The following TTC34 variants were observed in gnomAD, a reference collection of about 807,000 sequenced individuals.
The protein encoded by TTC34 is tetratricopeptide repeat protein 34.
In TTC34, 44 loss-of-function variants were observed where a neutral mutation model predicts 40.7. That is an observed-to-expected ratio of 1.08 (90% CI 0.85 to 1.39). The LOEUF is 1.39. Among genes scored for constraint, TTC34 ranks in the 40% most tolerant of loss-of-function variants. The pLI, the probability that TTC34 is intolerant of heterozygous loss-of-function variation, is 0.00. For synonymous variants in TTC34, 422 were observed against 398.6 expected, an observed-to-expected ratio of 1.06 and a Z score of -0.70; for missense variants, 884 against 838.0, an observed-to-expected ratio of 1.05 and a Z score of -0.68.
At chr1:2,687,869 C>T (rs563958511) in intron 6 of TTC34, among the ~76,000 whole-genome samples, 2 of 143,972 alleles carry the variant, frequency 1.4e-5, no homozygotes, top group African/African-American at 2.6e-5. Flanking sequence ...ATCTGACAGC[C>T]TGGAACAGAA....
chr1:2,687,929 C>G (rs1263462030), intron 6 of TTC34, among the ~76,000 whole-genome samples: 17 of 149,070 alleles, frequency 1.1e-4, no homozygotes, highest in African/African-American at 4.2e-4. Flanking sequence ...ACCCACACGC[C>G]CAGGTGAGCC....
intron 6 of TTC34, among the ~76,000 whole-genome samples, chr1:2,646,879 G>A (rs1209987120): frequency 6.6e-6 from 1 of 152,140 alleles, no homozygotes; most frequent in South Asian, 2.1e-4. Flanking sequence ...GCTTCCATTT[G>A]TCTAACGGGT....
At chr1:2,647,124 C>T (rs879314695) in intron 6 of TTC34, among the ~76,000 whole-genome samples, 10 of 151,226 alleles carry the variant, frequency 6.6e-5, no homozygotes, top group Admixed American at 5.9e-4. Flanking sequence ...GATGTGCCTT[C>T]TTAGGGGTGG....
In TTC34 at chr1:2,756,028, C is replaced by G. The variant is rs1641494356; in HGVS notation, c.2226+27581G>C. On this transcript the variant is annotated intron_variant, in intron 6 of 8. Transcript: ENST00000401095. ...CACCCTGAAACAGCACACACACCCCCAGGCGAGCATCTGACAACCTGGAAC... is the reference window on the plus strand; with the variant it reads ...CACCCTGAAACAGCACACACACCCCGAGGCGAGCATCTGACAACCTGGAAC... 3.4e-5 allele frequency among the ~76,000 whole-genome samples: 3 copies of G among 88,964 alleles called. 1 individual carries two copies. The allele number at this position is 88,964 out of a possible 152,430, so 58.4% of individuals were successfully genotyped here.
chr1:2,788,516 T>C (rs1643622205), intron 3 of TTC34, among the ~76,000 whole-genome samples: 1 of 152,164 alleles, frequency 6.6e-6, no homozygotes, highest in African/African-American at 2.4e-5. Flanking sequence ...TCAGTGCTTT[T>C]AACTTTGCTG....
At chr1:2,683,270 C>G (rs1326050682) in intron 6 of TTC34, among the ~76,000 whole-genome samples, 1 of 148,872 alleles carries the variant, frequency 6.7e-6, no homozygotes, top group African/African-American at 2.5e-5. Flanking sequence ...AGCACCCACA[C>G]CCACAGGTGA....
intron 6 of TTC34, among the ~76,000 whole-genome samples, chr1:2,695,768 A>C (rs1261376900): frequency 1.5e-4 from 23 of 150,786 alleles, no homozygotes; most frequent in East Asian, 3.9e-4. Context: ...CCAGGTGAGC[A>C]TCTGACAGGC....
chr1:2,773,546 G>T (rs1174919812), intron 6 of TTC34: 1 of 96,872 alleles, frequency 1.0e-5, no homozygotes, highest in African/African-American at 3.9e-5. Flanking sequence ...ACCCCCAGGT[G>T]GGCATCTGAC....
exon 9 of TTC34, chr1:2,641,536 A>G (rs1426578012): frequency 6.5e-7 from 1 of 1,534,666 alleles, no homozygotes; most frequent in Admixed American, 2.0e-5. Flanking sequence ...ACATGCGTGC[A>G]GTGGGGGCCC....
intron 6 of TTC34, among the ~76,000 whole-genome samples, chr1:2,686,835 A>AG (rs1640380437): frequency 5.7e-5 from 1 of 17,666 alleles, no homozygotes; most frequent in African/African-American, 3.3e-4. Context: ...CTGGAGCAGC[A>AG]CCCCACACCC....
intron 4 of TTC34, 97 bp from the exon 5 acceptor site, chr1:2,786,120 A>G: frequency 8.8e-7 from 1 of 1,141,696 alleles, no homozygotes; most frequent in Non-Finnish European, 1.2e-6. Context: ...CCCCACCCTC[A>G]CTGCCCCAGG....
intron 6 of TTC34, among the ~76,000 whole-genome samples, chr1:2,750,705 C>A (rs1641290352): frequency 4.0e-5 from 5 of 126,336 alleles, no homozygotes; most frequent in African/African-American, 6.1e-5. Context: ...GAGCATCCGA[C>A]AGCCTGGAGC....
At chr1:2,652,031 C>T (rs1175071294) in intron 6 of TTC34, among the ~76,000 whole-genome samples, 1 of 2,690 alleles carries the variant, frequency 3.7e-4, no homozygotes, top group African/African-American at 1.0e-3. Context: ...CATCGTGGAG[C>T]AGCAGCCCAC....
chr1:2,787,337 C>T, intron 4 of TTC34, 144 bp downstream of exon 4: 5 of 631,502 alleles, frequency 7.9e-6, no homozygotes, highest in Non-Finnish European at 7.4e-6. Flanking sequence ...GGGCCTGCAG[C>T]AGGTGCAGAG....
At position 2,690,981 on chromosome 1, in the gene TTC34, C is replaced by A. The variant is rs1356384841; in HGVS notation, c.2227-45418G>T. On this transcript the variant is annotated intron_variant, in intron 6 of 8. Coordinates refer to ENST00000401095, the Ensembl canonical transcript of TTC34. Reference sequence around the variant, plus strand: ...TGACAGACTGGAACAGCACCCACACCCCTAGGAGAGCATCCGGCAGCCTGG... The same window carrying A: ...TGACAGACTGGAACAGCACCCACACACCTAGGAGAGCATCCGGCAGCCTGG... Among the ~76,000 whole-genome samples the A allele has an allele frequency of 2.7e-5, 2 of 73,348 alleles. 1 individual carries two copies. Among genetic ancestry groups the A allele is most frequent in the Non-Finnish European group, 6.6e-5 (2 of 30,254 alleles). The allele number at this position is 73,348 out of a possible 152,430, so 48.1% of individuals were successfully genotyped here. A position where few individuals can be genotyped will look rare whatever the true frequency, so the allele number is the denominator to read the frequency against.
Position 2,790,280 on chromosome 1 carries a change from T to C in TTC34, c.851A>G (p.Gln284Arg), listed in dbSNP as rs561573538. 3.3e-5 allele frequency: 13 copies of C among 398,404 alleles called. No homozygotes were observed. The East Asian group carries it at 4.6e-4, about 14-fold the overall frequency. 24.7% of individuals were successfully genotyped at this position (398,404 alleles called of 1,614,324 possible). ...CTCCTGCAGGTTCCAAAACACGTCC[T>C]GGGCCCGGCCGTCCAGGAAGAAGGC... Residue 284 changes from glutamine (Q) to arginine (R), a missense_variant, in exon 3 of 9, where the codon CAG becomes CGG. Coordinates refer to ENST00000401095, the Ensembl canonical transcript of TTC34.
intron 6 of TTC34, among the ~76,000 whole-genome samples, chr1:2,686,261 G>A (rs1258630203): frequency 3.0e-4 from 36 of 121,252 alleles, no homozygotes; most frequent in African/African-American, 9.7e-4. Flanking sequence ...GCATCTGACA[G>A]CGTGGAGGAG....
At chr1:2,792,511 T>A (rs906294136) in intron 2 of TTC34, among the ~76,000 whole-genome samples, 1 of 152,198 alleles carries the variant, frequency 6.6e-6, no homozygotes, top group African/African-American at 2.4e-5. Context: ...TCAGTTACAT[T>A]CCTCTGAAGA....
intron 6 of TTC34, among the ~76,000 whole-genome samples, chr1:2,759,867 G>GCACCC (rs1641636277): frequency 9.7e-5 from 6 of 61,574 alleles, no homozygotes; most frequent in African/African-American, 3.4e-4. Flanking sequence ...ACAGCCTGGA[G>GCACCC]TAGTATCCTG....
Sources: allele counts gnomAD v4.1 joint callset (sites outside exome capture counted in the v4.1 genomes callset), GRCh38; gene constraint gnomAD v4.1.1; transcripts MANE v1.5; gene names NCBI Gene and HGNC (gene_info 2026-07-23, HGNC 2026-07-21).